E2F3: variants seen among roughly 807,000 people sequenced by gnomAD.
E2F3 encodes the protein transcription factor E2F3.
A neutral mutation model predicts 44.4 loss-of-function variants in E2F3; 11 were observed. The observed-to-expected ratio is 0.25, with a 90% confidence interval of 0.16 to 0.41. The LOEUF (loss-of-function observed/expected upper bound fraction) is 0.41, where lower values mean the gene tolerates loss of function less well. E2F3 is among the 10% of genes least tolerant of loss of function. E2F3 has a pLI of 1.00. For missense variants in E2F3, 487 were observed against 583.6 expected, an observed-to-expected ratio of 0.83 and a Z score of 1.70; for synonymous variants, 249 against 253.0, an observed-to-expected ratio of 0.98 and a Z score of 0.15.
At chr6:20,479,036 C>A (rs55947225) in intron 1 of E2F3, among the ~76,000 whole-genome samples, 4 of 152,008 alleles carry the variant, frequency 2.6e-5, no homozygotes, top group South Asian at 2.1e-4. Flanking sequence ...ACCTAGAAGA[C>A]GCTATGTGGA....
chr6:20,405,475 A>G (rs932381408), intron 1 of E2F3, among the ~76,000 whole-genome samples: 2 of 150,374 alleles, frequency 1.3e-5, no homozygotes, highest in Non-Finnish European at 2.9e-5. Flanking sequence ...CCTCCTGAGT[A>G]GCTGAGATTA....
Position 20,493,685 on chromosome 6 carries a change from G to C in E2F3, c.*3255G>C, listed in dbSNP as rs1581669084. The C allele has an allele frequency of 5.1e-6, 1 of 195,462 alleles. No homozygotes were observed. The highest frequency in any genetic ancestry group is 2.3e-5 in the African/African-American group (1 of 43,196). 12.1% of individuals were successfully genotyped at this position (195,462 alleles called of 1,614,324 possible). ...ATTTGAATAAATTTTGTATGGTAAAGGATCAATAAAATGATTTTTTTTAAG... is the reference window on the plus strand; with the variant it reads ...ATTTGAATAAATTTTGTATGGTAAACGATCAATAAAATGATTTTTTTTAAG... On this transcript the variant is annotated 3_prime_UTR_variant, in exon 7 of 7. Coordinates refer to ENST00000346618, the MANE Select transcript of E2F3 (RefSeq NM_001949.5).
At chr6:20,478,678 G>A (rs541943481) in intron 1 of E2F3, among the ~76,000 whole-genome samples, 10 of 152,196 alleles carry the variant, frequency 6.6e-5, no homozygotes, top group African/African-American at 2.2e-4. Flanking sequence ...GAGTGGTGGC[G>A]TGCACCTGCA....
intron 1 of E2F3, among the ~76,000 whole-genome samples, chr6:20,424,441 C>T (rs1561854067): frequency 6.6e-6 from 1 of 151,368 alleles, no homozygotes; most frequent in Non-Finnish European, 1.5e-5. Flanking sequence ...GTGCTGTGTG[C>T]ATGTGTGTCT....
intron 1 of E2F3, among the ~76,000 whole-genome samples, chr6:20,411,047 A>G (rs1466884829): frequency 6.6e-6 from 1 of 152,212 alleles, no homozygotes; most frequent in Non-Finnish European, 1.5e-5. Context: ...TTTAGGGTCT[A>G]GGGTCTTTGT....
chr6:20,446,082 G>A (rs1021575539), intron 1 of E2F3, among the ~76,000 whole-genome samples: 3 of 152,190 alleles, frequency 2.0e-5, no homozygotes, highest in Non-Finnish European at 1.5e-5. Context: ...GAAAACCCAC[G>A]CGGATGTGGG....
intron 1 of E2F3, among the ~76,000 whole-genome samples, chr6:20,425,836 A>G (rs186167581): frequency 3.0e-3 from 458 of 152,318 alleles, no homozygotes; most frequent in Non-Finnish European, 5.0e-3. Flanking sequence ...ATTACCTAAC[A>G]GTTTGAGCCC....
chr6:20,482,651 T>C (rs1762269913), intron 3 of E2F3, 111 bp from the exon 4 acceptor site: 3 of 912,218 alleles, frequency 3.3e-6, no homozygotes, highest in Admixed American at 2.9e-5. Flanking sequence ...AACACTTGGC[T>C]AACAAGCAAT....
chr6:20,445,591 TA>T (rs1760918197), intron 1 of E2F3, among the ~76,000 whole-genome samples: 1 of 152,198 alleles, frequency 6.6e-6, no homozygotes, highest in Non-Finnish European at 1.5e-5. Flanking sequence ...GTACATCTTG[TA>T]ATCAGTAGCT....
chr6:20,460,461 AAG>A (rs1354058028), intron 1 of E2F3, among the ~76,000 whole-genome samples: 1 of 152,180 alleles, frequency 6.6e-6, no homozygotes, highest in African/African-American at 2.4e-5. Context: ...TGTTAAAGGA[AAG>A]ATGTACCTTG....
At position 20,492,149 on chromosome 6, in the gene E2F3, GA is replaced by G. The variant is rs747112786; in HGVS notation, c.*1731del. 9.9e-3 allele frequency: 1,711 copies of G among 173,002 alleles called. No individual in the cohort carries two copies. Among genetic ancestry groups the G allele is most frequent in the Middle Eastern group, 0.018 (10 of 552 alleles). 10.7% of individuals were successfully genotyped at this position (173,002 alleles called of 1,614,324 possible). ...TAATTGAATTGAAAATATCCCTTAG[GA>G]AAAAAAAAAAACACACAAAAAACCA... On this transcript the variant is annotated 3_prime_UTR_variant, in exon 7 of 7. Transcript: ENST00000346618.
chr6:20,482,599 A>AAAAAAT (rs1177675969), intron 3 of E2F3, among the ~76,000 whole-genome samples, 163 bp from the exon 4 acceptor site: 1 of 134,488 alleles, frequency 7.4e-6, no homozygotes, highest in Admixed American at 7.5e-5. Flanking sequence ...TGAAAAAAAA[A>AAAAAAT]ATATATATAT....
chr6:20,443,812 T>A (rs1468240521), intron 1 of E2F3, among the ~76,000 whole-genome samples: 1 of 152,188 alleles, frequency 6.6e-6, no homozygotes, highest in Non-Finnish European at 1.5e-5. Context: ...GAGAGTTAAT[T>A]GTGTGTGTCT....
At chr6:20,471,996 G>A (rs1471950315) in intron 1 of E2F3, among the ~76,000 whole-genome samples, 2 of 148,356 alleles carry the variant, frequency 1.3e-5, no homozygotes, top group African/African-American at 5.0e-5. Context: ...GTCATCTATA[G>A]AGATTAAACT....
chr6:20,404,701 T>A (rs1244199832), intron 1 of E2F3, among the ~76,000 whole-genome samples: 2 of 146,400 alleles, frequency 1.4e-5, no homozygotes, highest in African/African-American at 4.8e-5. Context: ...ATGTGTGATG[T>A]AGTCTTAGTC....
Position 20,490,110 on chromosome 6 carries a change from A to G in E2F3, c.1136-58A>G, listed in dbSNP as rs962244852. On this transcript the variant is annotated intron_variant, in intron 6 of 6. Coordinates refer to ENST00000346618, the MANE Select transcript of E2F3 (RefSeq NM_001949.5). The surrounding 1 kb of genome is among the most constrained non-coding windows in gnomAD (Gnocchi z 4.3). ...AACAGCAACATATACATTCTTCCAG[A>G]AAAATTCATTTGATTTTTCTAACTT... 2.0e-6 allele frequency: 3 copies of G among 1,514,070 alleles called. No homozygotes were observed. Among genetic ancestry groups the G allele is most frequent in the Non-Finnish European group, 2.7e-6 (3 of 1,128,600 alleles). The allele number at this position is 1,514,070 out of a possible 1,614,324, so 93.8% of individuals were successfully genotyped here.
intron 1 of E2F3, among the ~76,000 whole-genome samples, chr6:20,404,598 G>T (rs1759430030): frequency 6.6e-6 from 1 of 152,220 alleles, no homozygotes; most frequent in Admixed American, 6.5e-5. Flanking sequence ...ATGGGTTTGG[G>T]AATAATGAGG....
intron 1 of E2F3, among the ~76,000 whole-genome samples, chr6:20,474,010 GA>G (rs937296942): frequency 1.3e-5 from 2 of 151,504 alleles, no homozygotes; most frequent in Admixed American, 1.3e-4. Flanking sequence ...TTCCCCAGTG[GA>G]AAAAAAATAG....
At chr6:20,404,823 A>T (rs1759440520) in intron 1 of E2F3, among the ~76,000 whole-genome samples, 1 of 152,198 alleles carries the variant, frequency 6.6e-6, no homozygotes, top group African/African-American at 2.4e-5. Flanking sequence ...AGTCGCAAGA[A>T]TATTCCATGC....
Sources: allele counts gnomAD v4.1 joint callset (sites outside exome capture counted in the v4.1 genomes callset), GRCh38; gene constraint gnomAD v4.1.1; non-coding constraint Gnocchi (gnomAD v3.1); transcripts MANE v1.5; gene names NCBI Gene and HGNC (gene_info 2026-07-23, HGNC 2026-07-21).